The following ASIC4 variants were observed in gnomAD, a reference collection of about 807,000 sequenced individuals.
ASIC4 encodes acid sensing ion channel subunit family member 4, also known as acid-sensing ion channel 4.
Under a neutral mutation model 53.4 loss-of-function variants are expected in ASIC4, and 28 were observed. That is an observed-to-expected ratio of 0.52 (90% CI 0.39 to 0.72). ASIC4 has a LOEUF of 0.72. Among genes scored for constraint, ASIC4 ranks in the 30% least tolerant of loss-of-function variants. ASIC4 has a pLI of 0.00. For missense variants in ASIC4, 649 were observed against 729.7 expected (o/e 0.89, Z 1.27); for synonymous variants, 289 against 301.4 (o/e 0.96, Z 0.43).
At chr2:219,531,662 G>A (rs1695043168) in intron 1 of ASIC4, 96 bp from the exon 2 acceptor site, 1 of 1,400,412 alleles carries the variant, frequency 7.1e-7, no homozygotes, top group Admixed American at 2.3e-5. Flanking sequence ...GAGTGTCCAA[G>A]CAGATCTGGT....
At chr2:219,531,424 T>G (rs1574493481) in intron 1 of ASIC4, among the ~76,000 whole-genome samples, 1 of 147,878 alleles carries the variant, frequency 6.8e-6, no homozygotes, top group Non-Finnish European at 1.5e-5. Context: ...GATGCAGGAG[T>G]GATGGAAGGG....
rs762976539 is a variant in ASIC4 at position 219,537,750 on chromosome 2, C to T, written c.1506+14C>T. On this transcript the variant is annotated intron_variant, in intron 9 of 9. Transcript: ENST00000358078. The surrounding 1 kb of genome is among the most constrained non-coding windows in gnomAD (Gnocchi z 4.9). ...CTGAAGGAACAGGTGAGGACAAGCT[C>T]TAAATGCCTGCAGCATGCAGCCACA... The T allele has an allele frequency of 3.1e-6, 5 of 1,609,170 alleles. No homozygotes were observed. Among genetic ancestry groups the T allele is most frequent in the South Asian group, 2.2e-5 (2 of 90,436 alleles).
At chr2:219,514,464 A>G (rs1694745781), upstream of ASIC4, 4 of 1,550,448 alleles carry the variant, frequency 2.6e-6, no homozygotes, top group Non-Finnish European at 3.5e-6. Context: ...TGATAAGGGA[A>G]GCCACAAGGA....
At chr2:219,535,750 T>TCATAGC (rs1338402943) in intron 6 of ASIC4, among the ~76,000 whole-genome samples, 1 of 151,378 alleles carries the variant, frequency 6.6e-6, no homozygotes, top group East Asian at 1.9e-4. Flanking sequence ...GGAATGCCCT[T>TCATAGC]CATAGCTCTA....
At chr2:219,532,565 C>G in intron 4 of ASIC4, 88 bp downstream of exon 4, 2 of 1,499,658 alleles carry the variant, frequency 1.3e-6, no homozygotes, top group Non-Finnish European at 1.8e-6. Flanking sequence ...TGTGCACAGG[C>G]AGGTGCATGT....
In ASIC4 at chr2:219,535,130, CT is replaced by C. The variant is rs34400447; in HGVS notation, c.1076-39del. ...GCAGCTGGTGGGCCACTGGACCACCCTTCTCCAACTCCCACTGTAGCTGCTA... is the reference window on the plus strand; with the variant it reads ...GCAGCTGGTGGGCCACTGGACCACCCTCTCCAACTCCCACTGTAGCTGCTA... On this transcript the variant is annotated intron_variant, in intron 5 of 9. Transcript: ENST00000358078. The C allele has an allele frequency of 1.2e-4, 187 of 1,586,854 alleles. 1 individual carries two copies. In the East Asian group the frequency reaches 3.3e-3, roughly 28 times the overall value.
Position 219,536,775 on chromosome 2 carries a change from GCGTAAGGAGGAGGCAAAGGCAA to G in ASIC4, c.1230-289_1230-268del, listed in dbSNP as rs548445973. 1.6e-4 allele frequency among the ~76,000 whole-genome samples: 24 copies of G among 152,156 alleles called. No individual in the cohort carries two copies. The highest frequency in any genetic ancestry group is 4.6e-4 in the African/African-American group (19 of 41,480). ...AGGGGTCACTGAAGGGTCCGCAGAGGCGTAAGGAGGAGGCAAAGGCAACACCACTGGCTGCTTTAGAGGAGGG... is the reference window on the plus strand; with the variant it reads ...AGGGGTCACTGAAGGGTCCGCAGAGGCACCACTGGCTGCTTTAGAGGAGGG... On this transcript the variant is annotated intron_variant, in intron 6 of 9. Transcript: ENST00000358078. The surrounding 1 kb of genome is among the most constrained non-coding windows in gnomAD (Gnocchi z 4.6).
At chr2:219,532,674 G>A (rs1559119416) in intron 4 of ASIC4, 197 bp downstream of exon 4, 1 of 845,750 alleles carries the variant, frequency 1.2e-6, no homozygotes, top group Non-Finnish European at 1.8e-6. Flanking sequence ...GCATGCAGAT[G>A]CCTGTGTGCA....
chr2:219,535,403 G>A (rs1358879728), intron 6 of ASIC4, 79 bp downstream of exon 6: 3 of 1,420,312 alleles, frequency 2.1e-6, no homozygotes, highest in Non-Finnish European at 2.8e-6. Context: ...GTGACTCTGT[G>A]TGTACGTGTG....
At chr2:219,524,906 A>G (rs1694940107) in intron 1 of ASIC4, among the ~76,000 whole-genome samples, 1 of 152,340 alleles carries the variant, frequency 6.6e-6, no homozygotes, top group East Asian at 1.9e-4. Flanking sequence ...AGGAAGCTCC[A>G]TTCCCCAAAG....
intron 5 of ASIC4, among the ~76,000 whole-genome samples, chr2:219,534,739 C>T (rs576389237): frequency 8.5e-5 from 13 of 152,156 alleles, no homozygotes; most frequent in Admixed American, 5.2e-4. Context: ...TTCTTCTGTT[C>T]GCCCATCCGT....
chr2:219,514,538 C>T lies in ASIC4; in HGVS notation c.-187C>T, dbSNP rs565685064. The T allele has an allele frequency of 2.6e-5, 41 of 1,555,550 alleles. No homozygotes were observed. In the East Asian group the frequency reaches 8.0e-4, roughly 30 times the overall value. On this transcript the variant is annotated 5_prime_UTR_variant, in exon 1 of 10. Transcript: ENST00000358078. ...AGCGGCAGAGGCAGCACCAGGGCTG[C>T]GGAGCTGCTGGGAGTGGGAGTGACT...
chr2:219,527,903 G>A (rs933101005), intron 1 of ASIC4, among the ~76,000 whole-genome samples: 3 of 152,256 alleles, frequency 2.0e-5, no homozygotes, highest in African/African-American at 7.2e-5. Context: ...CAGGACTCCT[G>A]GTCACATGGA....
At chr2:219,510,601 T>A (rs941767926), upstream of ASIC4, among the ~76,000 whole-genome samples, 26 of 152,194 alleles carry the variant, frequency 1.7e-4, no homozygotes, top group African/African-American at 6.3e-4. The surrounding 1 kb of genome is among the most constrained non-coding windows in gnomAD (Gnocchi z 5.2). Flanking sequence ...TTCCTCCTGA[T>A]GCCCCCATCC....
intron 1 of ASIC4, among the ~76,000 whole-genome samples, chr2:219,524,690 TA>T (rs2125661643): frequency 6.6e-6 from 1 of 152,338 alleles, no homozygotes; most frequent in East Asian, 1.9e-4. Flanking sequence ...CCCACAGACT[TA>T]ACTAAGGGCA....
intron 5 of ASIC4, chr2:219,533,143 G>A: frequency 1.6e-6 from 1 of 622,574 alleles, no homozygotes; most frequent in Non-Finnish European, 2.9e-6. Flanking sequence ...AGTGGAGGCA[G>A]CAGGGTGGGG....
rs756038808 is a variant in ASIC4 at position 219,514,717 on chromosome 2, G to A, written c.-8G>A. On this transcript the variant is annotated 5_prime_UTR_variant, in exon 1 of 10. Transcript: ENST00000358078. ...GAGGCTCTGGCCAGTCCCAGCAGCC[G>A]GGGACAGATGCCGATCGAGATTGTG... 6.8e-5 allele frequency: 110 copies of A among 1,613,622 alleles called. No homozygotes were observed. The East Asian group carries it at 2.1e-3, about 30-fold the overall frequency.
upstream of ASIC4, among the ~76,000 whole-genome samples, chr2:219,511,749 G>A (rs1694704429): frequency 6.6e-6 from 1 of 151,796 alleles, no homozygotes; most frequent in Admixed American, 6.6e-5. This position sits in a 1 kb window ranked among gnomAD's most constrained non-coding sequence, Gnocchi z 5.3. Flanking sequence ...GGGAGCTTGG[G>A]CGCAGGGCCG....
rs552375695 is a variant in ASIC4 at position 219,535,554 on chromosome 2, GTGAT to G, written c.1229+231_1229+234del. Among the ~76,000 whole-genome samples the G allele has an allele frequency of 5.0e-4, 76 of 151,288 alleles. No homozygotes were observed. In the Middle Eastern group the frequency reaches 0.01, roughly 20 times the overall value. On this transcript the variant is annotated intron_variant, in intron 6 of 9. Transcript: ENST00000358078. The stretch of plus-strand genomic sequence containing the variant: ...GTGTGTCTTGTGGGTGTGTGAGTGT[GTGAT>G]GTGTGTGTGCATGCACACTTATGAG...
Sources: allele counts gnomAD v4.1 joint callset (sites outside exome capture counted in the v4.1 genomes callset), GRCh38; gene constraint gnomAD v4.1.1; non-coding constraint Gnocchi (gnomAD v3.1); transcripts MANE v1.5; gene names NCBI Gene and HGNC (gene_info 2026-07-23, HGNC 2026-07-21).